MICALL2: variants seen among roughly 807,000 people sequenced by gnomAD.
MICALL2 encodes MICAL like 2, also known as MICAL-like protein 2.
In MICALL2, 111 loss-of-function variants were observed where a neutral mutation model predicts 91.1. That is an observed-to-expected ratio of 1.22 (90% CI 1.04 to 1.43). The LOEUF (loss-of-function observed/expected upper bound fraction) is 1.43. Among genes scored for constraint, MICALL2 ranks in the 40% most tolerant of loss-of-function variants. The pLI is 0.00. For missense variants in MICALL2, 1,556 were observed against 1,236.0 expected (o/e 1.26, Z -3.88); for synonymous variants, 694 against 525.3 (o/e 1.32, Z -4.39).
rs967105550 is a variant in MICALL2, at chr7:1,445,117, C to T, written c.953G>A (p.Ser318Asn). The part of the protein sequence containing the change: ...ATSATSVHVR[S>N]PARPSESRLA... ...GCGGCTCTCAGAGGGCCTGGCTGGG[C>T]TCCTCACGTGGACGGACGTGGCGCT... The change falls in exon 6 of 17, where the codon AGC becomes AAC. Residue 318 changes from serine (S) to asparagine (N), a missense_variant. Ser to Asn is a conservative substitution (Grantham distance 46, BLOSUM62 1). Transcript: ENST00000297508. The T allele has an allele frequency of 1.3e-6, 2 of 1,557,264 alleles. No individual in the cohort carries two copies. The highest frequency in any genetic ancestry group is 8.7e-7 in the Non-Finnish European group (1 of 1,151,522).
At chr7:1,437,121 G>A (rs570762601) in intron 14 of MICALL2, 20 of 473,344 alleles carry the variant, frequency 4.2e-5, no homozygotes, top group Non-Finnish European at 7.0e-5. Flanking sequence ...TCAGGGCGTC[G>A]CTGTCCCTGC....
chr7:1,434,520 G>A lies in MICALL2; in HGVS notation c.*76C>T, dbSNP rs1338771861. The A allele has an allele frequency of 2.2e-6, 3 of 1,351,152 alleles. No individual in the cohort carries two copies. The highest frequency in any genetic ancestry group is 2.3e-5 in the South Asian group (2 of 85,682). 83.7% of individuals were successfully genotyped at this position (1,351,152 alleles called of 1,614,324 possible). A position where few individuals can be genotyped will look rare whatever the true frequency, so the allele number is the denominator to read the frequency against. On this transcript the variant is annotated 3_prime_UTR_variant, in exon 17 of 17. Coordinates refer to ENST00000297508, the MANE Select transcript of MICALL2 (RefSeq NM_182924.4). ...GCCCCGAGTACAAGTCCGGGTTCCG[G>A]GTCCGGGCCAAGCCCATGGCCCCGA... is the stretch of plus-strand genomic sequence containing the variant.
rs1005617735 is a variant in MICALL2, at chr7:1,436,979, G to A, written c.2477-123C>T. The A allele has an allele frequency of 1.8e-5, 12 of 653,358 alleles. No individual in the cohort carries two copies. In the African/African-American group the frequency reaches 2.1e-4, roughly 11 times the overall value. The allele number at this position is 653,358 out of a possible 1,614,324, so 40.5% of individuals were successfully genotyped here. A position where few individuals can be genotyped will look rare whatever the true frequency, so the allele number is the denominator to read the frequency against. On this transcript the variant is annotated intron_variant, in intron 14 of 16. Coordinates refer to ENST00000297508, the MANE Select transcript of MICALL2 (RefSeq NM_182924.4). ...GGAGGAAGAAGGTGGGGTCTTGGGG[G>A]GATCCGGAGCAGAATGAATGAGTGA...
Position 1,451,175 on chromosome 7 carries a change from C to T in MICALL2, c.144-887G>A, listed in dbSNP as rs1251009408. 6.6e-6 allele frequency among the ~76,000 whole-genome samples: 1 copy of T among 152,152 alleles called. No individual in the cohort carries two copies. Among genetic ancestry groups the T allele is most frequent in the African/African-American group, 2.4e-5 (1 of 41,432 alleles). On this transcript the variant is annotated intron_variant, in intron 1 of 16. Coordinates refer to ENST00000297508, the MANE Select transcript of MICALL2 (RefSeq NM_182924.4). The surrounding 1 kb of genome is among the most constrained non-coding windows in gnomAD (Gnocchi z 4.5). ...CCCCGGCCAGCCTGGACAGCAGGGC[C>T]CTTCTGGGGACGCCAAGAGGACAGC... is the stretch of plus-strand genomic sequence containing the variant.
intron 6 of MICALL2, among the ~76,000 whole-genome samples, chr7:1,443,924 A>C (rs1159890054): frequency 3.3e-5 from 5 of 152,188 alleles, no homozygotes; most frequent in Admixed American, 1.3e-4. Flanking sequence ...GGGTCCAGGC[A>C]CAGGCAGGCG....
intron 1 of MICALL2, among the ~76,000 whole-genome samples, chr7:1,457,001 C>T (rs1421753825): frequency 6.6e-6 from 1 of 152,124 alleles, no homozygotes; most frequent in Admixed American, 6.5e-5. Context: ...CTCTGGAGGC[C>T]GGACTCCGAC....
intron 9 of MICALL2, 188 bp downstream of exon 9, chr7:1,439,737 A>AT: frequency 2.2e-6 from 1 of 457,336 alleles, no homozygotes; most frequent in East Asian, 3.5e-5. Context: ...GAACACATGC[A>AT]CACATGCATC....
Position 1,448,694 on chromosome 7 carries a change from A to G in MICALL2, c.260T>C (p.Leu87Ser), listed in dbSNP as rs1343782053. The change falls in exon 3 of 17, where the codon TTG becomes TCG. Residue 87 changes from leucine (L) to serine (S), a missense_variant. Coordinates refer to ENST00000297508, the MANE Select transcript of MICALL2 (RefSeq NM_182924.4). The part of the protein sequence containing the change: ...ALLDAEDMVA[L>S]KVPDRLSILT... ...GATGCTCAGCCGGTCAGGCACCTTC[A>G]AGGCCACCATGTCCTCGGCATCCAG... The G allele has an allele frequency of 6.2e-7, 1 of 1,612,724 alleles. No individual in the cohort carries two copies.
rs182892238 is a variant in MICALL2 at position 1,451,321 on chromosome 7, C to T, written c.144-1033G>A. On this transcript the variant is annotated intron_variant, in intron 1 of 16. Transcript: ENST00000297508. This position sits in a 1 kb window ranked among gnomAD's most constrained non-coding sequence, Gnocchi z 4.5. ...CCAGCCCCAGGCCCTCCGACAAAAACCACCAGGCTCCCAGCACGGGCTGCG... is the reference window on the plus strand; with the variant it reads ...CCAGCCCCAGGCCCTCCGACAAAAATCACCAGGCTCCCAGCACGGGCTGCG... Among the ~76,000 whole-genome samples the T allele has an allele frequency of 4.9e-4, 74 of 152,230 alleles. 2 individuals are homozygous for T. The highest frequency in any genetic ancestry group is 3.1e-3 in the Admixed American group (47 of 15,288).
intron 15 of MICALL2, among the ~76,000 whole-genome samples, chr7:1,435,755 G>A (rs1434039711): frequency 5.3e-5 from 8 of 152,210 alleles, no homozygotes; most frequent in African/African-American, 1.9e-4. Context: ...GGAAGTTCAA[G>A]TTAAAAACTA....
chr7:1,456,197 G>C (rs1781009699), intron 1 of MICALL2, among the ~76,000 whole-genome samples: 1 of 147,710 alleles, frequency 6.8e-6, no homozygotes, highest in African/African-American at 2.4e-5. Flanking sequence ...GAGGCAGGAG[G>C]ATTACTTGAG....
intron 6 of MICALL2, among the ~76,000 whole-genome samples, chr7:1,443,581 G>A (rs1431892711): frequency 6.6e-6 from 1 of 152,206 alleles, no homozygotes; most frequent in Admixed American, 6.5e-5. Flanking sequence ...ACTCACGCTG[G>A]GTTAGGGTGG....
intron 10 of MICALL2, 144 bp from the exon 11 acceptor site, chr7:1,438,497 G>T (rs928656512): frequency 2.7e-6 from 4 of 1,457,456 alleles, no homozygotes; most frequent in Non-Finnish European, 3.6e-6. Flanking sequence ...CCACTGGACT[G>T]CCCTGACCCA....
Position 1,438,974 on chromosome 7 carries a change from C to T in MICALL2, c.1988G>A (p.Arg663His), listed in dbSNP as rs4580937. ...SLPARSPSPP[R>H]RRRLAVPASL... Reference sequence around the variant, plus strand: ...GGCAGGGACGGCCAGTCTCCTGCGGCGGGGTGGGGAGGGGGACCTGGCTGC... The same window carrying T: ...GGCAGGGACGGCCAGTCTCCTGCGGTGGGGTGGGGAGGGGGACCTGGCTGC... The change falls in exon 10 of 17, where the codon CGC (arginine) becomes CAC (histidine). Residue 663 changes from arginine to histidine, a missense_variant. Physicochemically the swap from Arg to His is conservative, Grantham distance 29. Transcript: ENST00000297508. The T allele has an allele frequency of 0.069, 109,948 of 1,597,070 alleles. 5,406 individuals carry two copies. Among genetic ancestry groups the T allele is most frequent in the Admixed American group, 0.23 (13,610 of 59,830 alleles).
In MICALL2 at chr7:1,459,358, G is replaced by A. The variant is rs890912326; in HGVS notation, c.-32C>T. 8.3e-6 allele frequency: 12 copies of A among 1,450,898 alleles called. No homozygotes were observed. The African/African-American group carries it at 9.0e-5, about 11-fold the overall frequency. 89.9% of individuals were successfully genotyped at this position (1,450,898 alleles called of 1,614,324 possible). On this transcript the variant is annotated 5_prime_UTR_variant, in exon 1 of 17. Coordinates refer to ENST00000297508, the MANE Select transcript of MICALL2 (RefSeq NM_182924.4). ...GGCGCGCCCGCCGCGCGGCGGAACC[G>A]CCCTCCGACACCTTCCCGCGGCTGT...
Position 1,436,730 on chromosome 7 carries a change from C to T in MICALL2, c.2591+12G>A, listed in dbSNP as rs1412351554. On this transcript the variant is annotated intron_variant, in intron 15 of 16. Coordinates refer to ENST00000297508, the MANE Select transcript of MICALL2 (RefSeq NM_182924.4). ...GCCTGGCTGGGAGGGGCCCCCGGCA[C>T]CTGCCCCTCACCGGAGCCGGTCCTC... 1 of 1,594,794 alleles carries T rather than the reference C, an allele frequency of 6.3e-7. No individual in the cohort carries two copies. Among genetic ancestry groups the T allele is most frequent in the Non-Finnish European group, 8.5e-7 (1 of 1,171,716 alleles).
chr7:1,453,351 G>A (rs150163179), intron 1 of MICALL2, among the ~76,000 whole-genome samples: 3 of 152,126 alleles, frequency 2.0e-5, no homozygotes, highest in Non-Finnish European at 2.9e-5. Flanking sequence ...CAAACTGACA[G>A]GGGAAGAGGA....
chr7:1,437,257 T>A, intron 14 of MICALL2: 1 of 507,420 alleles, frequency 2.0e-6, no homozygotes, highest in South Asian at 2.8e-5. Context: ...CTTGTGCGAA[T>A]TGATTCGTTT....
intron 5 of MICALL2, among the ~76,000 whole-genome samples, chr7:1,445,731 T>C (rs1394478742): frequency 2.0e-5 from 3 of 152,110 alleles, no homozygotes; most frequent in Non-Finnish European, 4.4e-5. Context: ...CTTGTGCAGG[T>C]CAGCAGACAC....
Sources: allele counts gnomAD v4.1 joint callset (sites outside exome capture counted in the v4.1 genomes callset), GRCh38; gene constraint gnomAD v4.1.1; non-coding constraint Gnocchi (gnomAD v3.1); transcripts MANE v1.5; gene names NCBI Gene and HGNC (gene_info 2026-07-23, HGNC 2026-07-21).